The following TTN variants were observed in gnomAD, a reference collection of about 807,000 sequenced individuals.
TTN encodes the protein connectin.
A neutral mutation model predicts 3,223.0 loss-of-function variants in TTN; 1,525 were observed. The ratio of observed to expected loss-of-function variants is 0.47; its 90% CI spans 0.45 to 0.49. The LOEUF is 0.49. Ranked by LOEUF, TTN falls within the 20% of genes least tolerant of loss-of-function variation. TTN has a pLI of 0.00. For missense variants in TTN, 40,786 were observed against 43,424.0 expected, an observed-to-expected ratio of 0.94 and a Z score of 5.40; for synonymous variants, 14,094 against 15,161.0, an observed-to-expected ratio of 0.93 and a Z score of 5.17.
chr2:178,716,313 G>C (rs2077472100), intron 88 of TTN, among the ~76,000 whole-genome samples: 1 of 152,166 alleles, frequency 6.6e-6, no homozygotes, highest in South Asian at 2.1e-4. Context: ...TTCCTTTGAA[G>C]TGTGTGAGAG....
At chr2:178,716,842 G>T (rs2077559279) in intron 88 of TTN, among the ~76,000 whole-genome samples, 1 of 152,036 alleles carries the variant, frequency 6.6e-6, no homozygotes, top group Admixed American at 6.6e-5. Flanking sequence ...TAGAGTTTCG[G>T]TTATCTCTCT....
At position 178,548,537 on chromosome 2, in the gene TTN, C is replaced by T. The variant is rs766391515; in HGVS notation, c.93089G>A (p.Arg31030Gln). 9.3e-6 allele frequency: 15 copies of T among 1,613,750 alleles called. No individual in the cohort carries two copies. The highest frequency in any genetic ancestry group is 4.5e-5 in the East Asian group (2 of 44,894). ...PGPITFKDVT[R>Q]GSATLMWDAP... Reference sequence around the variant, plus strand: ...ATCCCACATCAATGTAGCAGATCCCCGGGTCACATCTTTGAAGGTAATTGG... The same window carrying T: ...ATCCCACATCAATGTAGCAGATCCCTGGGTCACATCTTTGAAGGTAATTGG... The change falls in exon 339 of 363, where the codon CGG becomes CAG. Residue 31030 changes from arginine to glutamine, a missense_variant. Arg to Gln is a conservative substitution (Grantham distance 43, BLOSUM62 1). Transcript: ENST00000589042. This position sits in a 1 kb window ranked among gnomAD's most constrained non-coding sequence, Gnocchi z 4.3.
In TTN at chr2:178,557,634, G is replaced by A. The variant is rs750415713; in HGVS notation, c.87706+14C>T. 11 of 1,612,994 alleles carry A rather than the reference G, an allele frequency of 6.8e-6. No homozygotes were observed. The South Asian group carries it at 9.9e-5, about 15-fold the overall frequency. On this transcript the variant is annotated intron_variant, in intron 328 of 362. Transcript: ENST00000589042. ...AAAAGAAAACCTGGATCTTTGAAAA[G>A]TTGGACAACTTACTGTATGGTAGTT...
chr2:178,757,227 A>ATACTGGACTTGCTTTAAGTACAGTAAG (rs1553968975), intron 45 of TTN, among the ~76,000 whole-genome samples: 1 of 150,194 alleles, frequency 6.7e-6, no homozygotes, highest in African/African-American at 2.4e-5. Context: ...ACAGTAAGTA[A>ATACTGGACTTGCTTTAAGTACAGTAAG]TAATCAGCAA....
At position 178,702,034 on chromosome 2, in the gene TTN, A is replaced by C. The variant is rs1363737815; in HGVS notation, c.30538+6T>G. ...AGCAAGGATTGATTTTTACAAAACA[A>C]CTTACCAGGAGGCTTCAGCTCAAGT... On this transcript the variant is annotated splice_donor_region_variant and intron_variant, in intron 109 of 362. Coordinates refer to ENST00000589042, the MANE Select transcript of TTN (RefSeq NM_001267550.2). 9.9e-6 allele frequency: 16 copies of C among 1,609,842 alleles called. No homozygotes were observed. The highest frequency in any genetic ancestry group is 1.4e-5 in the Non-Finnish European group (16 of 1,177,882).
At chr2:178,665,059 A>G in intron 165 of TTN, 133 bp from the exon 166 acceptor site, 1 of 1,103,718 alleles carries the variant, frequency 9.1e-7, no homozygotes, top group Non-Finnish European at 1.3e-6. Flanking sequence ...CAATAGGCTA[A>G]GTCTTTTAAG....
intron 335 of TTN, 138 bp downstream of exon 335, chr2:178,551,492 C>T (rs1699412273): frequency 2.4e-6 from 2 of 823,164 alleles, no homozygotes; most frequent in African/African-American, 3.5e-5. Flanking sequence ...AATAATTCCT[C>T]TTGCTTTACA....
At position 178,729,437 on chromosome 2, in the gene TTN, C is replaced by T. The variant is rs761993856; in HGVS notation, c.18719G>A (p.Arg6240Gln). ...VTWLKNNREI[R>Q]SSKKYTLTDR... ...GGTCAATGTGTATTTTTTGCTGCTT[C>T]GAATTTCCCTGTTATTCTTCAGCCA... Residue 6240 changes from arginine (R) to glutamine (Q), a missense_variant, in exon 64 of 363, where the codon CGA becomes CAA. Arg to Gln is a conservative substitution (Grantham distance 43, BLOSUM62 1). Coordinates refer to ENST00000589042, the MANE Select transcript of TTN (RefSeq NM_001267550.2). 68 of 1,613,474 alleles carry T rather than the reference C, an allele frequency of 4.2e-5. No homozygotes were observed. The East Asian group carries it at 1.3e-3, about 30-fold the overall frequency.
In TTN at chr2:178,667,442, C is replaced by T. The variant is rs1391876638; in HGVS notation, c.35713G>A (p.Glu11905Lys). The T allele has an allele frequency of 6.3e-7, 1 of 1,598,908 alleles. No individual in the cohort carries two copies. Among genetic ancestry groups the T allele is most frequent in the South Asian group, 1.1e-5 (1 of 90,146 alleles). The change falls in exon 161 of 363, where the codon GAA (glutamate) becomes AAA (lysine). Residue 11905 changes from glutamate to lysine, a missense_variant and splice_region_variant. By Grantham distance (56) the Glu-to-Lys change is moderately conservative. Coordinates refer to ENST00000589042, the MANE Select transcript of TTN (RefSeq NM_001267550.2). ...TGGGTTTGATGTATTTGAAATATACCTTTAGTTGCTGGTGTTTCTCTCTTT... is the reference window on the plus strand; with the variant it reads ...TGGGTTTGATGTATTTGAAATATACTTTTAGTTGCTGGTGTTTCTCTCTTT... ...PKKRETPATK[E>K]PDTTRGIFPE...
In TTN at chr2:178,565,940, G is replaced by T. The variant is rs1410996977; in HGVS notation, c.80192C>A (p.Ala26731Asp). The T allele has an allele frequency of 6.2e-7, 1 of 1,613,464 alleles. No homozygotes were observed. Among genetic ancestry groups the T allele is most frequent in the Admixed American group, 1.7e-5 (1 of 59,954 alleles). ...TTTGCTGCATTTACTACTCACATTA[G>T]CATACGCTTTTCTGGTTGACTCACG... ...DKRESTRKAY[A>D]NVSSKCSKTS... Residue 26731 changes from alanine to aspartate, a missense_variant, in exon 326 of 363, where the codon GCT (alanine) becomes GAT (aspartate). By Grantham distance (126) the Ala-to-Asp change is moderately radical. Coordinates refer to ENST00000589042, the MANE Select transcript of TTN (RefSeq NM_001267550.2).
chr2:178,531,771 C>T lies in TTN; in HGVS notation c.104844G>A (p.Met34948Ile), dbSNP rs1248715319. The change falls in exon 358 of 363, where the codon ATG becomes ATA. Residue 34948 changes from methionine to isoleucine, a missense_variant. Physicochemically the swap from Met to Ile is conservative, Grantham distance 10 (BLOSUM62 1). Transcript: ENST00000589042. ...LDHAPRITLR[M>I]RSHRVPCGQN... Reference sequence around the variant, plus strand: ...GGCCACATGGTACCCTGTGCGAGCGCATTCTCAGTGTGATTCGAGGGGCAT... The same window carrying T: ...GGCCACATGGTACCCTGTGCGAGCGTATTCTCAGTGTGATTCGAGGGGCAT... 6.2e-7 allele frequency: 1 copy of T among 1,613,972 alleles called. No individual in the cohort carries two copies. The highest frequency in any genetic ancestry group is 8.5e-7 in the Non-Finnish European group (1 of 1,179,868).
rs727503648 is a variant in TTN at position 178,720,548 on chromosome 2, A to G, written c.23214T>C (p.Asp7738=). Residue 7738 remains aspartate (D), a synonymous_variant, in exon 80 of 363, where the codon GAT becomes GAC. Coordinates refer to ENST00000589042, the MANE Select transcript of TTN (RefSeq NM_001267550.2). The part of the protein sequence containing the change: ...TPPFEVVWVK[D]RKQVRNSKKF... ...TCTTGCTGTTTCTAACCTGCTTTCGATCTTTAACCCATACTACTTCAAATG... is the reference window on the plus strand; with the variant it reads ...TCTTGCTGTTTCTAACCTGCTTTCGGTCTTTAACCCATACTACTTCAAATG... 1 of 1,613,452 alleles carries G rather than the reference A, an allele frequency of 6.2e-7. No individual in the cohort carries two copies. The highest frequency in any genetic ancestry group is 8.5e-7 in the Non-Finnish European group (1 of 1,179,588).
Position 178,536,085 on chromosome 2 carries a change from C to T in TTN, c.100662G>A (p.Gln33554=), listed in dbSNP as rs1036339690. The part of the protein sequence containing the change: ...RIQEFKGGYH[Q]LIIASVTDDD... Reference sequence around the variant, plus strand: ...CATCTGTGACACTTGCAATGATGAGCTGGTGGTAGCCACCCTTAAATTCTT... The same window carrying T: ...CATCTGTGACACTTGCAATGATGAGTTGGTGGTAGCCACCCTTAAATTCTT... Residue 33554 remains glutamine, a synonymous_variant, in exon 357 of 363, where the codon CAG becomes CAA. Coordinates refer to ENST00000589042, the MANE Select transcript of TTN (RefSeq NM_001267550.2). The T allele has an allele frequency of 2.5e-5, 40 of 1,610,058 alleles. No homozygotes were observed. The highest frequency in any genetic ancestry group is 6.7e-5 in the Admixed American group (4 of 59,918).
In TTN at chr2:178,721,922, C is replaced by T. The variant is rs1433348204; in HGVS notation, c.22741G>A (p.Asp7581Asn). Residue 7581 changes from aspartate to asparagine, a missense_variant, in exon 78 of 363, where the codon GAC (aspartate) becomes AAC (asparagine). Transcript: ENST00000589042. Reference sequence around the variant, plus strand: ...GCTTGGCAAGTATATTGACCAGAGTCTCCTTTGCCTACTTTAAGAATTCTC... The same window carrying T: ...GCTTGGCAAGTATATTGACCAGAGTTTCCTTTGCCTACTTTAAGAATTCTC... ...HLRILKVGKGDSGQYTCQATN... is the reference protein window; with the variant it reads ...HLRILKVGKGNSGQYTCQATN... 2 of 1,613,388 alleles carry T rather than the reference C, an allele frequency of 1.2e-6. No individual in the cohort carries two copies. Among genetic ancestry groups the T allele is most frequent in the Admixed American group, 1.7e-5 (1 of 59,974 alleles).
intron 135 of TTN, 98 bp downstream of exon 135, chr2:178,682,599 G>A (rs761368862): frequency 5.9e-6 from 7 of 1,181,376 alleles, no homozygotes; most frequent in Non-Finnish European, 8.1e-6. Flanking sequence ...AATTTCTTTG[G>A]GTATCCAAAT....
chr2:178,574,571 C>A lies in TTN; in HGVS notation c.71561G>T (p.Gly23854Val), dbSNP rs1472507638. 6.2e-7 allele frequency: 1 copy of A among 1,613,526 alleles called. No individual in the cohort carries two copies. The highest frequency in any genetic ancestry group is 1.7e-5 in the Admixed American group (1 of 59,996). The change falls in exon 326 of 363, where the codon GGT becomes GTT. Residue 23854 changes from glycine (G) to valine (V), a missense_variant. Coordinates refer to ENST00000589042, the MANE Select transcript of TTN (RefSeq NM_001267550.2). ...ATGATATCCTAAAATGGGGCTTCCA[C>A]CATCAGAAAGTGGCTCATGCCAGCT... The part of the protein sequence containing the change: ...TISWHEPLSD[G>V]GSPILGYHVE...
chr2:178,545,507 A>T lies in TTN; in HGVS notation c.95603T>A (p.Leu31868Gln), dbSNP rs1559138758. The T allele has an allele frequency of 6.2e-7, 1 of 1,613,652 alleles. No homozygotes were observed. The highest frequency in any genetic ancestry group is 2.2e-5 in the East Asian group (1 of 44,868). ...ACCCTCCATCAGGCTGGTCACCTTC[A>T]GCCTGGTATCATACACCACATAGTC... ...NKDYVVYDTR[L>Q]KVTSLMEGCD... is the part of the protein sequence containing the mutation. Residue 31868 changes from leucine to glutamine, a missense_variant, in exon 344 of 363, where the codon CTG becomes CAG. By Grantham distance (113) the Leu-to-Gln change is moderately radical. Coordinates refer to ENST00000589042, the MANE Select transcript of TTN (RefSeq NM_001267550.2).
In TTN at chr2:178,779,327, C is replaced by T. The variant is rs1490421272; in HGVS notation, c.3865G>A (p.Val1289Ile). The T allele has an allele frequency of 6.2e-7, 1 of 1,613,378 alleles. No individual in the cohort carries two copies. The highest frequency in any genetic ancestry group is 1.1e-5 in the South Asian group (1 of 91,050). Residue 1289 changes from valine to isoleucine, a missense_variant, in exon 23 of 363, where the codon GTT becomes ATT. Transcript: ENST00000589042. The part of the protein sequence containing the change: ...MAVDISESEA[V>I]ESGFDSRIKN... ...ATTCTTGAATCAAATCCTGATTCAA[C>T]AGCTTCAGATTCAGAAATGTCAACT...
rs375474669 is a variant in TTN, at chr2:178,635,975, C to A, written c.41596G>T (p.Val13866Leu). 2 of 1,595,998 alleles carry A rather than the reference C, an allele frequency of 1.3e-6. No individual in the cohort carries two copies. The highest frequency in any genetic ancestry group is 1.7e-6 in the Non-Finnish European group (2 of 1,169,180). Residue 13866 changes from valine (V) to leucine (L), a missense_variant, in exon 226 of 363, where the codon GTA becomes TTA. Coordinates refer to ENST00000589042, the MANE Select transcript of TTN (RefSeq NM_001267550.2). ...NANNLECSSC[V>L]KVVEVIRDWL... ...GGAAAGTACTAACCTACTACTTTTA[C>A]GCAAGATGAACACTCCAGGTTGTTG...
Sources: allele counts gnomAD v4.1 joint callset (sites outside exome capture counted in the v4.1 genomes callset), GRCh38; gene constraint gnomAD v4.1.1; non-coding constraint Gnocchi (gnomAD v3.1); transcripts MANE v1.5; gene names NCBI Gene and HGNC (gene_info 2026-07-23, HGNC 2026-07-21).